Variants in ROBO2 observed in about 807,000 individuals in gnomAD.
ROBO2 encodes the protein roundabout homolog 2.
ROBO2 carries 53 observed loss-of-function variants against 160.8 expected under a neutral mutation model. The observed-to-expected ratio is 0.33, with a 90% CI of 0.26 to 0.41. ROBO2 has a LOEUF of 0.41. Ranked by LOEUF, ROBO2 falls within the 10% of genes least tolerant of loss-of-function variation. The pLI, the probability that ROBO2 is intolerant of heterozygous loss-of-function variation, is 1.00. For synonymous variants in ROBO2, 664 were observed against 611.7 expected, an observed-to-expected ratio of 1.09 and a Z score of -1.26; for missense variants, 1,577 against 1,722.4, an observed-to-expected ratio of 0.92 and a Z score of 1.49.
intron 2 of ROBO2, among the ~76,000 whole-genome samples, chr3:75,965,901 A>T (rs138515386): frequency 1.3e-3 from 198 of 151,846 alleles, no homozygotes; most frequent in Non-Finnish European, 2.6e-3. Context: ...AATCTATCCA[A>T]TTAAATGGTA....
At chr3:76,670,282 A>C (rs2092215187) in intron 2 of ROBO2, among the ~76,000 whole-genome samples, 1 of 150,062 alleles carries the variant, frequency 6.7e-6, no homozygotes, top group Non-Finnish European at 1.5e-5. Context: ...GGTTTTAATA[A>C]GTTTTATTTA....
At chr3:76,309,891 A>G (rs1462213523) in intron 2 of ROBO2, among the ~76,000 whole-genome samples, 2 of 152,056 alleles carry the variant, frequency 1.3e-5, no homozygotes, top group Admixed American at 6.6e-5. Flanking sequence ...TGGCACCATC[A>G]TGACTTACTG....
At chr3:76,209,391 C>A (rs1012446960) in intron 2 of ROBO2, among the ~76,000 whole-genome samples, 17 of 152,066 alleles carry the variant, frequency 1.1e-4, no homozygotes, top group African/African-American at 4.1e-4. Flanking sequence ...TTTATTTTAA[C>A]TATTTTTGAA....
intron 5 of ROBO2, among the ~76,000 whole-genome samples, chr3:77,494,287 A>G (rs1011980208): frequency 2.0e-5 from 3 of 151,972 alleles, no homozygotes; most frequent in Admixed American, 6.6e-5. Context: ...TTTTAAAAAA[A>G]ATTTTTTGGC....
intron 16 of ROBO2, among the ~76,000 whole-genome samples, chr3:77,585,735 A>C (rs988255641): frequency 1.3e-5 from 2 of 152,048 alleles, no homozygotes; most frequent in Non-Finnish European, 2.9e-5. Context: ...TTGTTTCTTT[A>C]ATTACTCCTT....
rs535864677 is a variant in ROBO2, at chr3:76,898,938, A to T, written c.110-199076A>T. Among the ~76,000 whole-genome samples, 70 of 152,298 alleles carry T rather than the reference A, an allele frequency of 4.6e-4. 1 individual carries two copies. The highest frequency in any genetic ancestry group is 1.6e-3 in the African/African-American group (67 of 41,572). ...CAAACACTTCAGATCAGGAACGTGG[A>T]CATTCAAGAACACAGCCCCTTCCTT... On this transcript the variant is annotated intron_variant, in intron 2 of 26. Transcript: ENST00000487694.
intron 2 of ROBO2, among the ~76,000 whole-genome samples, chr3:76,406,552 A>G (rs2078135501): frequency 6.6e-6 from 1 of 151,798 alleles, no homozygotes; most frequent in Non-Finnish European, 1.5e-5. Context: ...ACACTTCTTC[A>G]AGGTGATCCA....
At chr3:76,686,640 G>A (rs1428671508) in intron 2 of ROBO2, among the ~76,000 whole-genome samples, 1 of 151,990 alleles carries the variant, frequency 6.6e-6, no homozygotes, top group East Asian at 1.9e-4. Context: ...AACTGAGAGA[G>A]AAACAGAAAC....
intron 2 of ROBO2, among the ~76,000 whole-genome samples, chr3:76,335,174 TTTTG>T (rs1459151455): frequency 7.8e-6 from 1 of 128,502 alleles, no homozygotes; most frequent in East Asian, 2.4e-4. Context: ...AACTTTTCTG[TTTTG>T]TTTTTTTTTT....
At chr3:75,981,187 A>G (rs1330498360) in intron 2 of ROBO2, among the ~76,000 whole-genome samples, 2 of 151,546 alleles carry the variant, frequency 1.3e-5, no homozygotes, top group African/African-American at 4.8e-5. Flanking sequence ...ATTTTAGAGC[A>G]TTAGCTTCAC....
At chr3:76,964,869 T>A (rs1293494567) in intron 2 of ROBO2, among the ~76,000 whole-genome samples, 5 of 152,206 alleles carry the variant, frequency 3.3e-5, no homozygotes, top group African/African-American at 4.8e-5. Context: ...TAATTCATAG[T>A]CTGAATAATA....
intron 2 of ROBO2, among the ~76,000 whole-genome samples, chr3:76,283,136 G>GTGTATATATATATATATATATATA (rs1553695787): frequency 2.4e-4 from 15 of 63,536 alleles, no homozygotes; most frequent in African/African-American, 5.3e-4. Flanking sequence ...ATATAAAACT[G>GTGTATATATATATATATATATATA]TATATATATA....
intron 2 of ROBO2, among the ~76,000 whole-genome samples, chr3:76,572,396 G>A (rs1578237105): frequency 6.6e-6 from 1 of 151,886 alleles, no homozygotes; most frequent in East Asian, 1.9e-4. Flanking sequence ...GTCTTTGTTT[G>A]TTTTTTAATG....
chr3:76,759,816 T>A (rs927177847), intron 2 of ROBO2, among the ~76,000 whole-genome samples: 1 of 151,786 alleles, frequency 6.6e-6, no homozygotes, highest in African/African-American at 2.4e-5. Context: ...TCCTAAGTTG[T>A]AAAATAAGAA....
intron 2 of ROBO2, among the ~76,000 whole-genome samples, chr3:77,322,865 A>G (rs1322493136): frequency 2.9e-5 from 3 of 104,096 alleles, no homozygotes; most frequent in Admixed American, 1.2e-4. Context: ...TATGTATTAT[A>G]ATATATTATG....
At chr3:77,067,022 ACACACT>A (rs1471903329) in intron 1 of ROBO2, among the ~76,000 whole-genome samples, 24 of 133,438 alleles carry the variant, frequency 1.8e-4, no homozygotes, top group Admixed American at 1.4e-3. Context: ...TCTCACACAC[ACACACT>A]CACACACACA....
intron 2 of ROBO2, among the ~76,000 whole-genome samples, chr3:77,476,858 G>C (rs955585206): frequency 5.9e-5 from 9 of 152,134 alleles, no homozygotes; most frequent in African/African-American, 2.2e-4. Context: ...ATGTAGCCCT[G>C]CGTATGTGGG....
intron 2 of ROBO2, among the ~76,000 whole-genome samples, chr3:77,410,552 T>C (rs201239221): frequency 0.064 from 2,969 of 46,636 alleles, 41 homozygotes; most frequent in African/African-American, 0.071. Flanking sequence ...CTTCCTCCTC[T>C]TCTTCCTCCT....
chr3:75,907,054 A>G (rs1403287845), intron 1 of ROBO2: 1 of 151,874 alleles, frequency 6.6e-6, no homozygotes, highest in Non-Finnish European at 1.5e-5. Flanking sequence ...CTGCCTTTAT[A>G]TTTCCCAAAT....
Sources: allele counts gnomAD v4.1 joint callset (sites outside exome capture counted in the v4.1 genomes callset), GRCh38; gene constraint gnomAD v4.1.1; transcripts MANE v1.5; gene names NCBI Gene and HGNC (gene_info 2026-07-23, HGNC 2026-07-21).